KCNH8: variants seen among roughly 807,000 people sequenced by gnomAD.
KCNH8 encodes voltage-gated delayed rectifier potassium channel KCNH8.
In KCNH8, 70 loss-of-function variants were observed where a neutral mutation model predicts 103.6. The observed-to-expected ratio is 0.68, with a 90% CI of 0.56 to 0.82. KCNH8 has a LOEUF of 0.82. Among genes scored for constraint, KCNH8 ranks in the 40% least tolerant of loss-of-function variants. The probability of loss-of-function intolerance (pLI) is 0.00; values close to 1 mark genes in which losing one functional copy is unlikely to be tolerated. For synonymous variants in KCNH8, 498 were observed against 489.4 expected, an observed-to-expected ratio of 1.02 and a Z score of -0.23; for missense variants, 1,217 against 1,329.9, an observed-to-expected ratio of 0.92 and a Z score of 1.32.
chr3:19,443,769 G>C (rs2067318277), intron 8 of KCNH8, among the ~76,000 whole-genome samples: 1 of 151,518 alleles, frequency 6.6e-6, no homozygotes, highest in Non-Finnish European at 1.5e-5. Flanking sequence ...CTATATACTA[G>C]TAACAAATTA....
intron 3 of KCNH8, among the ~76,000 whole-genome samples, chr3:19,329,222 T>A (rs2065471389): frequency 6.6e-6 from 1 of 152,212 alleles, no homozygotes; most frequent in Non-Finnish European, 1.5e-5. Flanking sequence ...GCAGCTCTTG[T>A]AAATGCTTTG....
At chr3:19,246,535 A>G (rs2064209264) in intron 1 of KCNH8, among the ~76,000 whole-genome samples, 1 of 152,088 alleles carries the variant, frequency 6.6e-6, no homozygotes, top group African/African-American at 2.4e-5. Flanking sequence ...TCGGCCTCCC[A>G]AAGTGCTGGG....
Position 19,287,864 on chromosome 3 carries a change from G to T in KCNH8, c.442+6535G>T, listed in dbSNP as rs140300434. On this transcript the variant is annotated intron_variant, in intron 3 of 15. Transcript: ENST00000328405. ...CTCCTGAAGTGTTAGGATTACAGGC[G>T]TAAGCCACCATGCCCAGCCCCACAT... Among the ~76,000 whole-genome samples the T allele has an allele frequency of 1.5e-4, 23 of 152,252 alleles. No homozygotes were observed. In the East Asian group the frequency reaches 4.2e-3, roughly 28 times the overall value.
intron 11 of KCNH8, among the ~76,000 whole-genome samples, chr3:19,497,218 G>C (rs1179510612): frequency 6.6e-6 from 1 of 151,888 alleles, no homozygotes; most frequent in Non-Finnish European, 1.5e-5. Context: ...TTGATCTTTT[G>C]TATGATTTTT....
chr3:19,531,449 T>C (rs1324372094), intron 15 of KCNH8, among the ~76,000 whole-genome samples: 1 of 152,240 alleles, frequency 6.6e-6, no homozygotes, highest in Admixed American at 6.5e-5. Flanking sequence ...GTTTCAGTTC[T>C]TAAATGTGAG....
chr3:19,310,600 C>T (rs1490404373), intron 3 of KCNH8, among the ~76,000 whole-genome samples: 1 of 151,786 alleles, frequency 6.6e-6, no homozygotes, highest in Non-Finnish European at 1.5e-5. Context: ...TGAGAGCTAT[C>T]AGTAAGGTAA....
intron 5 of KCNH8, among the ~76,000 whole-genome samples, chr3:19,383,009 G>A (rs1037256902): frequency 6.6e-6 from 1 of 152,078 alleles, no homozygotes; most frequent in East Asian, 1.9e-4. Context: ...ATTATGCCCC[G>A]GTCCTCAAAA....
intron 11 of KCNH8, among the ~76,000 whole-genome samples, chr3:19,467,569 C>T (rs1168834023): frequency 6.6e-6 from 1 of 152,052 alleles, no homozygotes; most frequent in Non-Finnish European, 1.5e-5. Context: ...CTTCAGTAGC[C>T]CATGGGGGCA....
At chr3:19,519,668 CA>C (rs920299630) in intron 15 of KCNH8, among the ~76,000 whole-genome samples, 3 of 151,038 alleles carry the variant, frequency 2.0e-5, no homozygotes, top group East Asian at 3.9e-4. Context: ...AAAAACAAAA[CA>C]AAAAAAACAC....
At chr3:19,462,401 G>A (rs1365730649) in intron 11 of KCNH8, among the ~76,000 whole-genome samples, 2 of 152,152 alleles carry the variant, frequency 1.3e-5, no homozygotes, top group African/African-American at 4.8e-5. Flanking sequence ...GTGATGATGA[G>A]CATTTCTTCA....
intron 2 of KCNH8, among the ~76,000 whole-genome samples, chr3:19,269,750 G>A (rs1035465398): frequency 2.0e-5 from 3 of 152,062 alleles, no homozygotes; most frequent in African/African-American, 4.8e-5. Context: ...AGCAGCTTCC[G>A]CTCATGGATT....
intron 11 of KCNH8, among the ~76,000 whole-genome samples, chr3:19,470,437 A>T (rs2067831886): frequency 6.6e-6 from 1 of 152,194 alleles, no homozygotes; most frequent in African/African-American, 2.4e-5. Flanking sequence ...AAATGGCAGA[A>T]ATATGGTCTC....
intron 5 of KCNH8, among the ~76,000 whole-genome samples, chr3:19,360,487 C>G (rs2065934112): frequency 6.6e-6 from 1 of 151,892 alleles, no homozygotes; most frequent in Non-Finnish European, 1.5e-5. Flanking sequence ...TGTTGCATTC[C>G]CACTATATCA....
intron 10 of KCNH8, 75 bp from the exon 11 acceptor site, chr3:19,456,693 C>A: frequency 1.1e-6 from 1 of 920,682 alleles, no homozygotes; most frequent in Admixed American, 2.1e-5. Flanking sequence ...AAAAATGAAG[C>A]CTGTAAGTCA....
intron 7 of KCNH8, among the ~76,000 whole-genome samples, chr3:19,410,464 T>G (rs1363752697): frequency 2.0e-5 from 3 of 152,076 alleles, no homozygotes; most frequent in Admixed American, 2.0e-4. Context: ...TTTAACAATC[T>G]AACCTAACAT....
At chr3:19,368,157 C>T (rs897585718) in intron 5 of KCNH8, among the ~76,000 whole-genome samples, 1 of 151,976 alleles carries the variant, frequency 6.6e-6, no homozygotes, top group Non-Finnish European at 1.5e-5. Context: ...TGATATAAAT[C>T]TGATGCCATG....
chr3:19,315,991 A>C (rs1433021175), intron 3 of KCNH8, among the ~76,000 whole-genome samples: 1 of 152,050 alleles, frequency 6.6e-6, no homozygotes, highest in East Asian at 1.9e-4. Context: ...CTTAAATTGA[A>C]TTATGTCTGA....
chr3:19,443,381 T>C (rs1299650955), intron 8 of KCNH8, among the ~76,000 whole-genome samples: 2 of 150,120 alleles, frequency 1.3e-5, no homozygotes, highest in Non-Finnish European at 3.0e-5. Context: ...TTTATATATA[T>C]ATATAAATAT....
intron 2 of KCNH8, among the ~76,000 whole-genome samples, chr3:19,256,686 A>C (rs1202841032): frequency 6.6e-6 from 1 of 152,100 alleles, no homozygotes; most frequent in African/African-American, 2.4e-5. Context: ...GGAGACTTAT[A>C]GGCTTGATAG....
Sources: gnomAD v4.1 joint callset for allele counts (sites outside exome capture counted in the v4.1 genomes callset) on GRCh38, gnomAD v4.1.1 for gene constraint, MANE v1.5 for transcripts, NCBI Gene and HGNC (gene_info 2026-07-23, HGNC 2026-07-21) for gene names.